Variants in PTPRM observed in about 807,000 individuals in gnomAD.
The protein encoded by PTPRM is receptor-type tyrosine-protein phosphatase mu.
In PTPRM, 47 loss-of-function variants were observed where a neutral mutation model predicts 186.7. The observed-to-expected ratio is 0.25, with a 90% CI of 0.20 to 0.32. PTPRM has a LOEUF of 0.32. PTPRM is among the 10% of genes least tolerant of loss of function. The pLI is 1.00. For missense variants in PTPRM, 1,494 were observed against 1,865.0 expected, an observed-to-expected ratio of 0.80 and a Z score of 3.66; for synonymous variants, 668 against 674.9, an observed-to-expected ratio of 0.99 and a Z score of 0.16.
intron 19 of PTPRM, among the ~76,000 whole-genome samples, chr18:8,267,733 G>A (rs992313170): frequency 1.3e-5 from 2 of 152,150 alleles, no homozygotes; most frequent in African/African-American, 4.8e-5. Context: ...CATGAAGGTT[G>A]CATAAGCTCA....
rs114825489 is a variant in PTPRM, at chr18:8,215,055, T to G, written c.2301-29003T>G. ...TAACTCTAGCAAATAGGATAAAATA[T>G]AACAGTCATACTTTTAAAAAATACC... is the stretch of plus-strand genomic sequence containing the variant. On this transcript the variant is annotated intron_variant, in intron 14 of 32. Transcript: ENST00000580170. Among the ~76,000 whole-genome samples the G allele has an allele frequency of 7.8e-3, 1,194 of 152,276 alleles. 18 individuals are homozygous for G. The highest frequency in any genetic ancestry group is 0.027 in the African/African-American group (1,140 of 41,554).
intron 31 of PTPRM, among the ~76,000 whole-genome samples, chr18:8,390,151 C>G (rs543052775): frequency 6.6e-6 from 1 of 152,240 alleles, no homozygotes; most frequent in East Asian, 1.9e-4. Flanking sequence ...AGAGACAGTC[C>G]AGGGACAGAT....
At chr18:8,309,965 T>A (rs1443145156) in intron 20 of PTPRM, among the ~76,000 whole-genome samples, 2 of 152,184 alleles carry the variant, frequency 1.3e-5, no homozygotes, top group Non-Finnish European at 2.9e-5. Flanking sequence ...CTACTCCATA[T>A]CTCTATTCAG....
chr18:7,647,328 A>G (rs1416242253), intron 1 of PTPRM, among the ~76,000 whole-genome samples: 1 of 152,204 alleles, frequency 6.6e-6, no homozygotes, highest in South Asian at 2.1e-4. Flanking sequence ...TGGTATAAAA[A>G]TCTTGAGTTA....
At chr18:7,984,602 TACACACAC>T (rs1555676946) in intron 7 of PTPRM, among the ~76,000 whole-genome samples, 15 of 87,164 alleles carry the variant, frequency 1.7e-4, no homozygotes, top group African/African-American at 4.9e-4. Flanking sequence ...TATATATATA[TACACACAC>T]ACACACACAC....
At chr18:8,031,298 T>C (rs530904970) in intron 7 of PTPRM, among the ~76,000 whole-genome samples, 1 of 152,310 alleles carries the variant, frequency 6.6e-6, no homozygotes, top group Admixed American at 6.5e-5. Context: ...ACTTTGCAGA[T>C]AGTGCTAACA....
intron 14 of PTPRM, among the ~76,000 whole-genome samples, chr18:8,156,329 A>C (rs2146291091): frequency 6.6e-6 from 1 of 152,356 alleles, no homozygotes; most frequent in Non-Finnish European, 1.5e-5. Context: ...GTGTCAGAGA[A>C]TGATAAGAGT....
chr18:7,601,707 A>G (rs555335496), intron 1 of PTPRM, among the ~76,000 whole-genome samples: 2 of 152,340 alleles, frequency 1.3e-5, no homozygotes, highest in East Asian at 1.9e-4. Flanking sequence ...ATCATATTTT[A>G]AAAGACCGCT....
intron 1 of PTPRM, among the ~76,000 whole-genome samples, chr18:7,571,038 G>A (rs1287892092): frequency 2.0e-5 from 3 of 150,992 alleles, no homozygotes; most frequent in African/African-American, 4.9e-5. Context: ...TCCCGGGTTC[G>A]AGCGATTCTC....
At chr18:8,325,888 G>T (rs1325185100) in intron 22 of PTPRM, among the ~76,000 whole-genome samples, 1 of 152,108 alleles carries the variant, frequency 6.6e-6, no homozygotes, top group Non-Finnish European at 1.5e-5. Context: ...GTGTGAGATG[G>T]TATCTCATTG....
intron 7 of PTPRM, among the ~76,000 whole-genome samples, chr18:8,007,933 G>A (rs1292404703): frequency 1.3e-5 from 2 of 152,158 alleles, no homozygotes; most frequent in Non-Finnish European, 2.9e-5. Context: ...GTTCCCCTTG[G>A]TAAGTGCGTT....
chr18:7,974,943 C>G (rs1599809932), intron 7 of PTPRM, among the ~76,000 whole-genome samples: 2 of 152,210 alleles, frequency 1.3e-5, no homozygotes, highest in Admixed American at 6.5e-5. Flanking sequence ...TCCTGACTGG[C>G]TTCTATCCCA....
intron 1 of PTPRM, among the ~76,000 whole-genome samples, chr18:7,732,665 C>CAT: frequency 1.3e-5 from 2 of 152,002 alleles, no homozygotes; most frequent in Admixed American, 6.6e-5. Context: ...CACCCCCATG[C>CAT]CTGGCTAATT....
At chr18:7,964,224 G>A (rs1245779956) in intron 7 of PTPRM, among the ~76,000 whole-genome samples, 1 of 152,144 alleles carries the variant, frequency 6.6e-6, no homozygotes, top group Non-Finnish European at 1.5e-5. Flanking sequence ...AGGACTTGGA[G>A]CATAATTGAC....
At chr18:8,038,979 G>A (rs962027137) in intron 7 of PTPRM, among the ~76,000 whole-genome samples, 4 of 150,636 alleles carry the variant, frequency 2.7e-5, no homozygotes, top group African/African-American at 9.7e-5. Flanking sequence ...ACTATTTTCA[G>A]GGGTTTTTTT....
intron 13 of PTPRM, chr18:8,122,115 TTTG>T (rs767553979): frequency 6.6e-6 from 1 of 152,520 alleles, no homozygotes; most frequent in Non-Finnish European, 1.5e-5. Flanking sequence ...TCCTTTTCTT[TTTG>T]TTGTTGTTAG....
rs574179059 is a variant in PTPRM, at chr18:8,025,808, T to G, written c.1133-43878T>G. 2.0e-5 allele frequency among the ~76,000 whole-genome samples: 3 copies of G among 152,172 alleles called. No individual in the cohort carries two copies. In the East Asian group the frequency reaches 5.8e-4, roughly 29 times the overall value. On this transcript the variant is annotated intron_variant, in intron 7 of 32. Coordinates refer to ENST00000580170, the MANE Select transcript of PTPRM (RefSeq NM_001105244.2). The stretch of plus-strand genomic sequence containing the variant: ...GAGTGAGAAGAGATAGGACTGAGCT[T>G]TAAGGTAAAAACTCCAAGGATTTCT...
At chr18:7,899,977 C>T (rs909029543) in intron 3 of PTPRM, among the ~76,000 whole-genome samples, 3 of 151,842 alleles carry the variant, frequency 2.0e-5, no homozygotes, top group Non-Finnish European at 4.4e-5. Flanking sequence ...GTCTTCTTCT[C>T]ATTGCTAGAA....
chr18:8,146,025 C>CTTTTTTTTTTT (rs33980345), intron 14 of PTPRM, among the ~76,000 whole-genome samples: 1 of 109,882 alleles, frequency 9.1e-6, no homozygotes, highest in Admixed American at 9.5e-5. Flanking sequence ...TCTTTCTTTT[C>CTTTTTTTTTTT]TTTTTTTTTT....
Sources: gnomAD v4.1 joint callset for allele counts (sites outside exome capture counted in the v4.1 genomes callset) on GRCh38, gnomAD v4.1.1 for gene constraint, MANE v1.5 for transcripts, NCBI Gene and HGNC (gene_info 2026-07-23, HGNC 2026-07-21) for gene names.